The following ARHGEF18 variants were observed in gnomAD, a reference collection of about 807,000 sequenced individuals.
ARHGEF18 encodes the protein rho guanine nucleotide exchange factor 18.
ARHGEF18 carries 93 observed loss-of-function variants against 155.7 expected under a neutral mutation model. That is an observed-to-expected ratio of 0.60 (90% CI 0.50 to 0.71). ARHGEF18 has a LOEUF of 0.71. ARHGEF18 is among the 30% of genes least tolerant of loss of function. ARHGEF18 has a pLI of 0.00. For synonymous variants in ARHGEF18, 742 were observed against 753.1 expected (o/e 0.99, Z 0.24); for missense variants, 1,593 against 1,816.1 (o/e 0.88, Z 2.23).
chr19:7,395,363 G>A lies in ARHGEF18; in HGVS notation c.967+12160G>A. On this transcript the variant is annotated intron_variant, in intron 10 of 28. Coordinates refer to ENST00000668164, the MANE Select transcript of ARHGEF18 (RefSeq NM_001367823.1). The surrounding 1 kb of genome is among the most constrained non-coding windows in gnomAD (Gnocchi z 5.0). ...CCGGGGCTGCCTCGGGCCTCCCGCC[G>A]GCTCCTGGGGGACTTCTCCAGGCAG... 1 of 959,686 alleles carries A rather than the reference G, an allele frequency of 1.0e-6. No individual in the cohort carries two copies. The highest frequency in any genetic ancestry group is 4.8e-5 in the South Asian group (1 of 20,806). 59.4% of individuals were successfully genotyped at this position (959,686 alleles called of 1,614,324 possible).
chr19:7,426,172 C>G (rs1309882043), intron 10 of ARHGEF18, among the ~76,000 whole-genome samples: 3 of 151,938 alleles, frequency 2.0e-5, no homozygotes. Flanking sequence ...GAGCAAGACC[C>G]TGTCTCAAAA....
intron 10 of ARHGEF18, among the ~76,000 whole-genome samples, chr19:7,420,041 C>G (rs918624461): frequency 2.7e-4 from 41 of 150,606 alleles, no homozygotes; most frequent in African/African-American, 9.9e-4. Context: ...CACTCAGCCC[C>G]CACACTCACG....
At chr19:7,405,395 C>G (rs1237218166) in intron 10 of ARHGEF18, among the ~76,000 whole-genome samples, 1 of 152,204 alleles carries the variant, frequency 6.6e-6, no homozygotes, top group Non-Finnish European at 1.5e-5. Flanking sequence ...ATCTCCCTCT[C>G]CTTTCTCTAC....
intron 18 of ARHGEF18, among the ~76,000 whole-genome samples, chr19:7,457,080 T>A (rs12979617): frequency 0.18 from 28,044 of 152,110 alleles, 2,880 homozygotes; most frequent in Non-Finnish European, 0.23. Context: ...GAGGCTGCTG[T>A]AAACAAAGTA....
chr19:7,441,984 T>C lies in ARHGEF18; in HGVS notation c.1292T>C (p.Leu431Pro), dbSNP rs747858009. The C allele has an allele frequency of 1.2e-6, 2 of 1,614,084 alleles. No homozygotes were observed. The highest frequency in any genetic ancestry group is 1.7e-6 in the Non-Finnish European group (2 of 1,180,024). Residue 431 changes from leucine (L) to proline (P), a missense_variant, in exon 13 of 29, where the codon CTC (leucine) becomes CCC (proline). Leu to Pro is a moderately conservative substitution (Grantham distance 98, BLOSUM62 -3). Transcript: ENST00000668164. ...GHEFEAESWS[L>P]AVDAAYAKKQ... ...GAGTTTGAAGCTGAGTCCTGGAGCC[T>C]CGCCGTGGATGCAGCCTACGCCAAG...
At chr19:7,379,581 G>A (rs1171531864) in intron 7 of ARHGEF18, among the ~76,000 whole-genome samples, 2 of 151,986 alleles carry the variant, frequency 1.3e-5, no homozygotes, top group African/African-American at 2.4e-5. Flanking sequence ...AAAAGACAAG[G>A]CTGGGTTCAA....
chr19:7,397,654 A>G (rs1971792736), intron 10 of ARHGEF18, among the ~76,000 whole-genome samples: 1 of 151,600 alleles, frequency 6.6e-6, no homozygotes. Context: ...AATGGCGTGA[A>G]CCCGGGAGGT....
At chr19:7,438,102 C>T (rs1459634958) in intron 10 of ARHGEF18, among the ~76,000 whole-genome samples, 2 of 129,716 alleles carry the variant, frequency 1.5e-5, no homozygotes, top group African/African-American at 5.7e-5. Flanking sequence ...CTCCTCCCTT[C>T]TCCTCCCCTC....
chr19:7,368,012 AGGGAGGGC>A (rs2145378902), intron 2 of ARHGEF18, among the ~76,000 whole-genome samples: 1 of 103,632 alleles, frequency 9.6e-6, no homozygotes, highest in African/African-American at 3.5e-5. Flanking sequence ...GGAGGGAGGG[AGGGAGGGC>A]GGAAGGAAGG....
chr19:7,451,357 A>G (rs12610760), intron 16 of ARHGEF18, 91 bp downstream of exon 16: 234,989 of 1,045,552 alleles, frequency 0.22, 28,140 homozygotes, highest in East Asian at 0.3. Flanking sequence ...CAGCAAACTG[A>G]ATAAATTCCC....
chr19:7,479,682 C>T, the ARHGEF18 span, among the ~76,000 whole-genome samples: 2 of 152,250 alleles, frequency 1.3e-5, no homozygotes, highest in African/African-American at 4.8e-5. Context: ...AACAAGAATG[C>T]CGCAGCAGGC....
intron 14 of ARHGEF18, among the ~76,000 whole-genome samples, chr19:7,446,539 G>A (rs925685130): frequency 4.6e-5 from 7 of 151,820 alleles, no homozygotes; most frequent in East Asian, 1.9e-4. Flanking sequence ...TCAAGAGTTC[G>A]AGACCAGCCT....
chr19:7,475,511 C>T (rs766647799), downstream of ARHGEF18, among the ~76,000 whole-genome samples: 5 of 149,990 alleles, frequency 3.3e-5, no homozygotes, highest in Non-Finnish European at 7.4e-5. Flanking sequence ...ATTATATTTC[C>T]ATAAAACTGT....
chr19:7,464,618 C>T lies in ARHGEF18; in HGVS notation c.2832C>T (p.Gly944=). The T allele has an allele frequency of 1.2e-6, 2 of 1,613,850 alleles. No individual in the cohort carries two copies. The highest frequency in any genetic ancestry group is 1.7e-6 in the Non-Finnish European group (2 of 1,179,962). Residue 944 remains glycine, a synonymous_variant, in exon 23 of 29, where the codon GGC becomes GGT. Transcript: ENST00000668164. The part of the protein sequence containing the change: ...STDPRPRDWR[G]PPNSPDLKLS... The stretch of plus-strand genomic sequence containing the variant: ...ACCCCAGGCCCCGAGACTGGCGAGG[C>T]CCCCCAAACAGCCCGGACTTGAAGC...
chr19:7,379,959 G>A (rs1315571423), intron 7 of ARHGEF18, among the ~76,000 whole-genome samples: 2 of 151,596 alleles, frequency 1.3e-5, no homozygotes, highest in Non-Finnish European at 2.9e-5. Flanking sequence ...GAGCCCAGGA[G>A]TTTGAGACCA....
intron 13 of ARHGEF18, among the ~76,000 whole-genome samples, chr19:7,442,615 A>G (rs998825179): frequency 2.0e-5 from 3 of 152,200 alleles, no homozygotes; most frequent in African/African-American, 7.2e-5. Flanking sequence ...GGATTTTGTT[A>G]TAATACGTCC....
chr19:7,476,387 T>C (rs1977228227), downstream of ARHGEF18, among the ~76,000 whole-genome samples: 3 of 152,222 alleles, frequency 2.0e-5, no homozygotes, highest in South Asian at 2.1e-4. Context: ...TGTGTGTTCC[T>C]GGGCCAGGCT....
At chr19:7,368,046 G>GA (rs1600204577) in intron 2 of ARHGEF18, among the ~76,000 whole-genome samples, 2 of 147,912 alleles carry the variant, frequency 1.4e-5, no homozygotes, top group East Asian at 2.0e-4. Context: ...AGGAAGGAAG[G>GA]AGAAGACTAT....
chr19:7,407,425 C>CA (rs59665719), intron 10 of ARHGEF18, among the ~76,000 whole-genome samples: 18,423 of 108,498 alleles, frequency 0.17, 1,634 homozygotes, highest in African/African-American at 0.32. Flanking sequence ...GACTGAGTCT[C>CA]AAAAAAAAAA....
Sources: allele counts gnomAD v4.1 joint callset (sites outside exome capture counted in the v4.1 genomes callset), GRCh38; gene constraint gnomAD v4.1.1; non-coding constraint Gnocchi (gnomAD v3.1); transcripts MANE v1.5; gene names NCBI Gene and HGNC (gene_info 2026-07-23, HGNC 2026-07-21).